The following RNF4 variants were observed in gnomAD, a reference collection of about 807,000 sequenced individuals.
RNF4 encodes ring finger protein 4.
RNF4 carries 7 observed loss-of-function variants against 24.3 expected under a neutral mutation model. The ratio of observed to expected loss-of-function variants is 0.29; its 90% CI spans 0.16 to 0.54. The LOEUF (loss-of-function observed/expected upper bound fraction) is 0.54. RNF4 is among the 20% of genes least tolerant of loss of function. The probability of loss-of-function intolerance (pLI) is 0.95; values close to 1 mark genes in which losing one functional copy is unlikely to be tolerated. For synonymous variants in RNF4, 83 were observed against 84.3 expected, an observed-to-expected ratio of 0.98 and a Z score of 0.09; for missense variants, 209 against 248.5, an observed-to-expected ratio of 0.84 and a Z score of 1.07.
intron 1 of RNF4, among the ~76,000 whole-genome samples, chr4:2,474,517 T>C (rs1416823435): frequency 1.3e-5 from 2 of 152,224 alleles, no homozygotes; most frequent in East Asian, 3.8e-4. Context: ...AATTTACTGC[T>C]GAAGGTGCAG....
intron 2 of RNF4, among the ~76,000 whole-genome samples, chr4:2,492,738 C>T (rs1229900146): frequency 2.0e-5 from 3 of 152,070 alleles, no homozygotes; most frequent in Non-Finnish European, 4.4e-5. Flanking sequence ...GCTCCAGGGC[C>T]CACTTTTGAT....
At chr4:2,487,875 G>GATAC (rs2108759090) in intron 1 of RNF4, among the ~76,000 whole-genome samples, 1 of 152,316 alleles carries the variant, frequency 6.6e-6, no homozygotes, top group African/African-American at 2.4e-5. Context: ...CAGGGAGTGA[G>GATAC]ATACAGTATG....
In RNF4 at chr4:2,511,236, G is replaced by A. The variant is rs556717222; in HGVS notation, c.205-720G>A. 2.8e-4 allele frequency among the ~76,000 whole-genome samples: 42 copies of A among 152,000 alleles called. No homozygotes were observed. The East Asian group carries it at 7.2e-3, about 26-fold the overall frequency. On this transcript the variant is annotated intron_variant, in intron 4 of 7. Transcript: ENST00000314289. ...GTAAGTAAGGTCCCCAGGTCTTGCA[G>A]TCAGCACATGGTGTGGCTGTGGCAG...
intron 3 of RNF4, 174 bp downstream of exon 3, chr4:2,497,295 A>C: frequency 1.9e-6 from 1 of 524,782 alleles, no homozygotes; most frequent in Non-Finnish European, 3.4e-6. Context: ...CAACTGGGCT[A>C]ACTGTTCAAC....
rs201268592 is a variant in RNF4, at chr4:2,506,521, T to TC, written c.205-5435_205-5434insC. Among the ~76,000 whole-genome samples, 1,255 of 152,194 alleles carry TC rather than the reference T, an allele frequency of 8.2e-3. 18 individuals carry two copies. The highest frequency in any genetic ancestry group is 0.029 in the African/African-American group (1,194 of 41,502). ...TTAACAGCAAATAATCTTTTTTTTT[T>TC]TTCCAAGTTGTGTGCTTTCTCCAAA... On this transcript the variant is annotated intron_variant, in intron 4 of 7. Coordinates refer to ENST00000314289, the MANE Select transcript of RNF4 (RefSeq NM_002938.5).
intron 4 of RNF4, chr4:2,505,741 T>TC (rs1736080754): frequency 1.5e-5 from 2 of 136,046 alleles, no homozygotes; most frequent in African/African-American, 5.6e-5. Flanking sequence ...TTTTTTTTTT[T>TC]TTTTTTTTTT....
intron 2 of RNF4, among the ~76,000 whole-genome samples, chr4:2,492,154 G>A (rs1224210355): frequency 6.6e-6 from 1 of 151,416 alleles, no homozygotes; most frequent in East Asian, 1.9e-4. Context: ...AGCTGAGATC[G>A]TGCCACTGCA....
intron 4 of RNF4, among the ~76,000 whole-genome samples, chr4:2,507,732 A>G (rs1307921762): frequency 2.0e-5 from 3 of 152,202 alleles, no homozygotes; most frequent in African/African-American, 4.8e-5. Flanking sequence ...CGAGTGACCA[A>G]TCAGATGTGC....
Position 2,477,866 on chromosome 4 carries a change from A to G in RNF4, c.-158+8608A>G, listed in dbSNP as rs193281620. Among the ~76,000 whole-genome samples the G allele has an allele frequency of 4.6e-5, 7 of 152,324 alleles. No homozygotes were observed. In the East Asian group the frequency reaches 1.2e-3, roughly 25 times the overall value. Reference sequence around the variant, plus strand: ...GCTGAAAAGATACCTGAAAATTTGGAAACAGCTTTGCAACTGGGTAGCAGG... The same window carrying G: ...GCTGAAAAGATACCTGAAAATTTGGGAACAGCTTTGCAACTGGGTAGCAGG... On this transcript the variant is annotated intron_variant, in intron 1 of 7. Coordinates refer to ENST00000314289, the MANE Select transcript of RNF4 (RefSeq NM_002938.5).
In RNF4 at chr4:2,512,234, G is replaced by T. The variant is rs1312231399; in HGVS notation, c.215-204G>T. The T allele has an allele frequency of 1.5e-6, 1 of 683,362 alleles. No homozygotes were observed. The highest frequency in any genetic ancestry group is 2.7e-5 in the East Asian group (1 of 37,118). 42.3% of individuals were successfully genotyped at this position (683,362 alleles called of 1,614,324 possible). A position where few individuals can be genotyped will look rare whatever the true frequency, so the allele number is the denominator to read the frequency against. On this transcript the variant is annotated intron_variant, in intron 5 of 7. Transcript: ENST00000314289. This position sits in a 1 kb window ranked among gnomAD's most constrained non-coding sequence, Gnocchi z 4.1. ...AGAAGGCTGGTAGCTCACAGCAGGG[G>T]TTGGGGGGTTTCTCCTGGGAAGATA...
At chr4:2,481,868 C>G (rs199916017) in intron 1 of RNF4, among the ~76,000 whole-genome samples, 1 of 152,110 alleles carries the variant, frequency 6.6e-6, no homozygotes, top group East Asian at 1.9e-4. Context: ...CCACTATGCC[C>G]GGCTAAGTTT....
chr4:2,508,258 T>C, intron 4 of RNF4, among the ~76,000 whole-genome samples: 1 of 152,224 alleles, frequency 6.6e-6, no homozygotes, highest in Non-Finnish European at 1.5e-5. Flanking sequence ...TTCACTTATC[T>C]TAAAAGCCTC....
intron 4 of RNF4, chr4:2,505,103 T>G (rs545930884): frequency 5.9e-5 from 9 of 152,096 alleles, no homozygotes; most frequent in African/African-American, 2.2e-4. Flanking sequence ...CTTTTCACTT[T>G]AGTACCTAGC....
intron 3 of RNF4, among the ~76,000 whole-genome samples, chr4:2,499,123 G>A (rs1435885641): frequency 6.6e-6 from 1 of 151,842 alleles, no homozygotes; most frequent in Admixed American, 6.6e-5. Flanking sequence ...CTTGCACCTG[G>A]GAGGCAGAGG....
intron 2 of RNF4, 32 bp downstream of exon 2, chr4:2,490,534 T>G (rs371571378): frequency 6.2e-7 from 1 of 1,603,674 alleles, no homozygotes; most frequent in Non-Finnish European, 8.5e-7. Context: ...ATTTTTAATT[T>G]TGTAGGGCTA....
intron 4 of RNF4, among the ~76,000 whole-genome samples, chr4:2,508,720 C>T (rs186603706): frequency 1.3e-5 from 2 of 152,222 alleles, no homozygotes; most frequent in Admixed American, 1.3e-4. Flanking sequence ...AAGTGAGTCT[C>T]CTGCCTCAGC....
chr4:2,501,493 G>A (rs1033114783), intron 4 of RNF4, among the ~76,000 whole-genome samples: 25 of 152,220 alleles, frequency 1.6e-4, no homozygotes, highest in African/African-American at 5.3e-4. Flanking sequence ...GTGTGTATAC[G>A]TGTCCTGCCT....
At chr4:2,504,863 G>T (rs1736028154) in intron 4 of RNF4, among the ~76,000 whole-genome samples, 1 of 150,768 alleles carries the variant, frequency 6.6e-6, no homozygotes, top group Non-Finnish European at 1.5e-5. Context: ...CTATTGAGTA[G>T]CTGGGACTAC....
chr4:2,508,911 C>CT (rs66571775), intron 4 of RNF4, among the ~76,000 whole-genome samples: 8,978 of 62,520 alleles, frequency 0.14, 1,281 homozygotes, highest in African/African-American at 0.33. Context: ...TGCCCCAGGC[C>CT]TTTTTTTTTT....
Sources: gnomAD v4.1 joint callset for allele counts (sites outside exome capture counted in the v4.1 genomes callset) on GRCh38, gnomAD v4.1.1 for gene constraint, Gnocchi (gnomAD v3.1) non-coding constraint, MANE v1.5 for transcripts, NCBI Gene and HGNC (gene_info 2026-07-23, HGNC 2026-07-21) for gene names.